Variants in AR observed in about 807,000 individuals in gnomAD.
AR encodes dihydrotestosterone receptor.
A neutral mutation model predicts 53.9 loss-of-function variants in AR; 8 were observed. The ratio of observed to expected loss-of-function variants is 0.15; its 90% CI spans 0.09 to 0.27. The LOEUF (loss-of-function observed/expected upper bound fraction) is 0.27. Ranked by LOEUF, AR falls within the 10% of genes least tolerant of loss-of-function variation. The probability of loss-of-function intolerance (pLI) is 1.00; values close to 1 mark genes in which losing one functional copy is unlikely to be tolerated. For synonymous variants in AR, 359 were observed against 316.4 expected (o/e 1.13, Z -1.43); for missense variants, 639 against 742.5 (o/e 0.86, Z 1.62).
chrX:67,697,305 G>A (rs1179685799), intron 3 of AR, among the ~76,000 whole-genome samples: 1 of 111,583 alleles, frequency 9.0e-6, no homozygotes, highest in African/African-American at 3.3e-5. Context: ...AAGTTCACCT[G>A]CTTGGGGTAA....
At position 67,724,416 on chromosome X, in the gene AR, G is replaced by A. The variant is rs2076149945; in HGVS notation, c.*575G>A. ...ACAAACATATAGAAATCCCCAAAGA[G>A]GCCAATAGTGACGAGAAGGTGAAAA... On this transcript the variant is annotated 3_prime_UTR_variant, in exon 8 of 8. Coordinates refer to ENST00000374690, the MANE Select transcript of AR (RefSeq NM_000044.6). 1 of 173,800 alleles carries A rather than the reference G, an allele frequency of 5.8e-6. No homozygotes were observed. The highest frequency in any genetic ancestry group is 1.1e-5 in the Non-Finnish European group (1 of 91,631). The allele number at this position is 173,800 out of a possible 1,213,427, so 14.3% of individuals were successfully genotyped here. A position where few individuals can be genotyped will look rare whatever the true frequency, so the allele number is the denominator to read the frequency against.
rs1390985105 is a variant in AR at position 67,545,672 on chromosome X, A to G, written c.526A>G (p.Ser176Gly). The change falls in exon 1 of 8, where the codon AGC becomes GGC. Residue 176 changes from serine to glycine, a missense_variant. By Grantham distance (56) the Ser-to-Gly change is moderately conservative. Transcript: ENST00000374690. Reference sequence around the variant, plus strand: ...GGGCCCCACTTTCCCCGGCTTAAGCAGCTGCTCCGCTGACCTTAAAGACAT... The same window carrying G: ...GGGCCCCACTTTCCCCGGCTTAAGCGGCTGCTCCGCTGACCTTAAAGACAT... The part of the protein sequence containing the change: ...LLGPTFPGLS[S>G]CSADLKDILS... 1 of 1,201,197 alleles carries G rather than the reference A, an allele frequency of 8.3e-7. No individual in the cohort carries two copies. The highest frequency in any genetic ancestry group is 1.1e-6 in the Non-Finnish European group (1 of 890,672).
At chrX:67,693,658 G>A (rs1424519860) in intron 3 of AR, among the ~76,000 whole-genome samples, 5 of 111,574 alleles carry the variant, frequency 4.5e-5, no homozygotes, top group African/African-American at 1.6e-4. Flanking sequence ...GGAAAAACAC[G>A]CAGCCACCCA....
intron 1 of AR, among the ~76,000 whole-genome samples, chrX:67,628,498 C>G (rs1924835596): frequency 9.2e-6 from 1 of 108,385 alleles, no homozygotes; most frequent in African/African-American, 3.3e-5. Context: ...TATCCTGAGA[C>G]TTTGCTGAAG....
At chrX:67,623,532 A>G (rs777074171) in intron 1 of AR, among the ~76,000 whole-genome samples, 102 of 111,952 alleles carry the variant, frequency 9.1e-4, no homozygotes, top group Non-Finnish European at 1.5e-3. Flanking sequence ...GCGAAGGCCT[A>G]TATCAACAAA....
chrX:67,557,577 T>C (rs1433995260), intron 1 of AR, among the ~76,000 whole-genome samples: 2 of 111,841 alleles, frequency 1.8e-5, no homozygotes, highest in African/African-American at 6.5e-5. Flanking sequence ...AGGCTGTAGG[T>C]ACCCTCTCCC....
intron 2 of AR, among the ~76,000 whole-genome samples, chrX:67,667,594 CAAG>C (rs1927334667): frequency 1.8e-5 from 2 of 111,142 alleles, no homozygotes; most frequent in Non-Finnish European, 3.8e-5. Context: ...CTATTTATGT[CAAG>C]AATGTCATTG....
Position 67,728,216 on chromosome X carries a change from G to C in AR, c.*4375G>C, listed in dbSNP as rs2076165746. On this transcript the variant is annotated 3_prime_UTR_variant, in exon 8 of 8. Transcript: ENST00000374690. ...AATAATATACATGTTTAGAAGAATT[G>C]AAAATAATTTCGGGAAAATGGGATT... The C allele has an allele frequency of 1.2e-5, 2 of 168,164 alleles. No homozygotes were observed. The highest frequency in any genetic ancestry group is 1.9e-3 in the Middle Eastern group (1 of 530). The allele number at this position is 168,164 out of a possible 1,213,427, so 13.9% of individuals were successfully genotyped here.
At chrX:67,618,878 G>C (rs1276916761) in intron 1 of AR, among the ~76,000 whole-genome samples, 7 of 111,505 alleles carry the variant, frequency 6.3e-5, no homozygotes, top group African/African-American at 1.6e-4. Flanking sequence ...TTGCAACAGG[G>C]TGGTACTGCT....
chrX:67,652,395 T>G (rs1290718395), intron 2 of AR, among the ~76,000 whole-genome samples: 2 of 111,822 alleles, frequency 1.8e-5, no homozygotes, highest in Non-Finnish European at 3.8e-5. Context: ...GGTTATTTCA[T>G]GAAAATACTT....
rs1049479558 is a variant in AR at position 67,727,708 on chromosome X, G to A, written c.*3867G>A. On this transcript the variant is annotated 3_prime_UTR_variant, in exon 8 of 8. Transcript: ENST00000374690. ...TCTCCAGACAGCCCAGTAACTACCC[G>A]AGCATGGCCCCTGCATAGCCCTGGA... 5.3e-5 allele frequency: 9 copies of A among 171,162 alleles called. No individual in the cohort carries two copies. Among genetic ancestry groups the A allele is most frequent in the Middle Eastern group, 1.9e-3 (1 of 533 alleles). 14.1% of individuals were successfully genotyped at this position (171,162 alleles called of 1,213,427 possible). A position where few individuals can be genotyped will look rare whatever the true frequency, so the allele number is the denominator to read the frequency against.
chrX:67,596,240 C>CTT (rs200611811), intron 1 of AR, among the ~76,000 whole-genome samples: 1 of 100,907 alleles, frequency 9.9e-6, no homozygotes, highest in Non-Finnish European at 2.0e-5. Context: ...AATTAAACCT[C>CTT]TTTTTTTTTT....
chrX:67,691,820 T>C (rs2075996927), intron 3 of AR, among the ~76,000 whole-genome samples: 1 of 111,520 alleles, frequency 9.0e-6, no homozygotes, highest in African/African-American at 3.3e-5. Flanking sequence ...TTATGTTGGG[T>C]CTGCAACGTT....
intron 1 of AR, among the ~76,000 whole-genome samples, chrX:67,628,761 T>C (rs1372147314): frequency 8.9e-6 from 1 of 112,034 alleles, no homozygotes. Flanking sequence ...CAGTATGTTA[T>C]TGGCTGTGGG....
chrX:67,716,307 G>A (rs746170280), intron 4 of AR, among the ~76,000 whole-genome samples: 31 of 112,300 alleles, frequency 2.8e-4, no homozygotes, highest in Non-Finnish European at 4.5e-4. Context: ...AAGGTGCAAT[G>A]AGAATGTAAA....
chrX:67,637,713 G>T (rs952304660), intron 1 of AR, among the ~76,000 whole-genome samples: 1 of 110,867 alleles, frequency 9.0e-6, no homozygotes, highest in African/African-American at 3.3e-5. Flanking sequence ...TTTTTCTTCA[G>T]GCTTAACTGA....
intron 1 of AR, among the ~76,000 whole-genome samples, chrX:67,598,368 C>T (rs980069207): frequency 7.4e-5 from 8 of 108,201 alleles, no homozygotes; most frequent in South Asian, 4.2e-4. Flanking sequence ...CTGCAACCTC[C>T]GCCTCACAGG....
Position 67,722,975 on chromosome X carries a change from C to T in AR, c.2598C>T (p.Ser866=), listed in dbSNP as rs370841055. The T allele has an allele frequency of 1.6e-5, 19 of 1,209,662 alleles. No individual in the cohort carries two copies. Among genetic ancestry groups the T allele is most frequent in the South Asian group, 3.5e-5 (2 of 56,789 alleles). The part of the protein sequence containing the change: ...RFYQLTKLLD[S]VQPIARELHQ... ...ACCAGCTCACCAAGCTCCTGGACTC[C>T]GTGCAGCCTGTAAGCAAACGATGGA... The change falls in exon 7 of 8, where the codon TCC becomes TCT. Residue 866 remains serine, a synonymous_variant. Coordinates refer to ENST00000374690, the MANE Select transcript of AR (RefSeq NM_000044.6).
chrX:67,662,899 G>C (rs1298226463), intron 2 of AR, among the ~76,000 whole-genome samples: 1 of 111,243 alleles, frequency 9.0e-6, no homozygotes, highest in Non-Finnish European at 1.9e-5. Flanking sequence ...TGTCTCTTTT[G>C]ATCTTTGTTG....
Sources: allele counts gnomAD v4.1 joint callset (sites outside exome capture counted in the v4.1 genomes callset), GRCh38; gene constraint gnomAD v4.1.1; transcripts MANE v1.5; gene names NCBI Gene and HGNC (gene_info 2026-07-23, HGNC 2026-07-21).